Variants in FAM161B observed in about 807,000 individuals in gnomAD.
The protein encoded by FAM161B is FAM161 centrosomal protein B.
FAM161B carries 46 observed loss-of-function variants against 61.5 expected under a neutral mutation model. The observed-to-expected ratio is 0.75, with a 90% CI of 0.59 to 0.96. FAM161B has a LOEUF of 0.96. Ranked by LOEUF, FAM161B falls within the 40% of genes least tolerant of loss-of-function variation. FAM161B has a pLI of 0.00. For missense variants in FAM161B, 774 were observed against 800.7 expected (o/e 0.97, Z 0.40); for synonymous variants, 284 against 302.7 (o/e 0.94, Z 0.64).
downstream of FAM161B, chr14:73,932,263 CA>C (rs1884112300): frequency 3.0e-6 from 1 of 331,182 alleles, no homozygotes; most frequent in African/African-American, 2.2e-5. Flanking sequence ...TTTAAATAAA[CA>C]AAACAGCCCA....
intron 8 of FAM161B, among the ~76,000 whole-genome samples, chr14:73,934,600 C>G (rs923523658): frequency 2.0e-5 from 3 of 151,220 alleles, no homozygotes; most frequent in Admixed American, 1.3e-4. Flanking sequence ...CTGCACCCAG[C>G]TAATTTTTTT....
chr14:73,945,218 T>C (rs976701422), intron 2 of FAM161B, among the ~76,000 whole-genome samples: 2 of 152,236 alleles, frequency 1.3e-5, no homozygotes, highest in Non-Finnish European at 2.9e-5. Context: ...TGTTAAAACC[T>C]CAATTTCCTC....
At chr14:73,926,049 A>T in the FAM161B span, among the ~76,000 whole-genome samples, 1 of 152,006 alleles carries the variant, frequency 6.6e-6, no homozygotes, top group Non-Finnish European at 1.5e-5. Context: ...ACAAAAACAC[A>T]ATTAACTTTA....
the FAM161B span, among the ~76,000 whole-genome samples, chr14:73,926,306 CT>C: frequency 6.6e-6 from 1 of 151,986 alleles, no homozygotes; most frequent in Admixed American, 6.6e-5. Flanking sequence ...GGTTGGTTTG[CT>C]AGAGTCAGGA....
At chr14:73,929,943 A>G (rs1434924225), downstream of FAM161B, among the ~76,000 whole-genome samples, 2 of 152,168 alleles carry the variant, frequency 1.3e-5, no homozygotes, top group African/African-American at 2.4e-5. Flanking sequence ...TGGAGGACTC[A>G]TTGCACAGGC....
chr14:73,939,255 C>T (rs546376511), intron 5 of FAM161B, among the ~76,000 whole-genome samples: 6 of 151,970 alleles, frequency 3.9e-5, no homozygotes, highest in South Asian at 2.1e-4. Context: ...GCTGAGATTG[C>T]GCCATTGCAC....
In FAM161B at chr14:73,932,523, A is replaced by G. The variant is rs1421150796; in HGVS notation, c.*1733T>C. ...AACAGATACTTCTGAATTTTTCCAC[A>G]AAGATAGTTTTTTTAAAAAAGCTTG... is the stretch of plus-strand genomic sequence containing the variant. On this transcript the variant is annotated 3_prime_UTR_variant, in exon 9 of 9. Coordinates refer to ENST00000286544, the MANE Select transcript of FAM161B (RefSeq NM_152445.3). 2.3e-6 allele frequency: 1 copy of G among 442,882 alleles called. No homozygotes were observed. Among genetic ancestry groups the G allele is most frequent in the East Asian group, 7.0e-5 (1 of 14,356 alleles). 27.4% of individuals were successfully genotyped at this position (442,882 alleles called of 1,614,324 possible).
Position 73,938,049 on chromosome 14 carries a change from CTTTT to C in FAM161B, c.1460_1463del (p.Lys487ArgfsTer10). 6.2e-7 allele frequency: 1 copy of C among 1,614,124 alleles called. No homozygotes were observed. Among genetic ancestry groups the C allele is most frequent in the Non-Finnish European group, 8.5e-7 (1 of 1,180,002 alleles). Reference sequence around the variant, plus strand: ...CAGATTTGGACATTGCTTGAGACTTCTTTTTGTGTATCTCCAGCCACTGAATACT... The same window carrying C: ...CAGATTTGGACATTGCTTGAGACTTCTGTGTATCTCCAGCCACTGAATACT... On this transcript the variant is annotated frameshift_variant, in exon 6 of 9. Transcript: ENST00000286544. LOFTEE classifies it high-confidence loss of function.
chr14:73,941,058 A>C lies in FAM161B; in HGVS notation c.1273-5T>G. 2 of 1,609,344 alleles carry C rather than the reference A, an allele frequency of 1.2e-6. No individual in the cohort carries two copies. Among genetic ancestry groups the C allele is most frequent in the Non-Finnish European group, 1.7e-6 (2 of 1,177,692 alleles). On this transcript the variant is annotated splice_polypyrimidine_tract_variant and splice_region_variant and intron_variant, in intron 4 of 8. Transcript: ENST00000286544. Reference sequence around the variant, plus strand: ...AGCTGGTGGCTGTGGGGAATCCTAGAAGAAACAAAGGTTGGTATTGGTGGG... The same window carrying C: ...AGCTGGTGGCTGTGGGGAATCCTAGCAGAAACAAAGGTTGGTATTGGTGGG...
chr14:73,949,914 G>C lies in FAM161B; in HGVS notation c.54+59C>G, dbSNP rs1267493913. ...CCCTGCTGTCTGTCTCCAAGGCAAC[G>C]CCCAACAGTTTCCTCTCCGGGATTC... On this transcript the variant is annotated intron_variant, in intron 1 of 8. Coordinates refer to ENST00000286544, the MANE Select transcript of FAM161B (RefSeq NM_152445.3). The C allele has an allele frequency of 2.5e-6, 4 of 1,603,044 alleles. No individual in the cohort carries two copies. The East Asian group carries it at 8.9e-5, about 36-fold the overall frequency.
chr14:73,933,613 A>G lies in FAM161B; in HGVS notation c.*643T>C, dbSNP rs1288085899. 1 of 152,216 alleles carries G rather than the reference A, an allele frequency of 6.6e-6. No individual in the cohort carries two copies. Among genetic ancestry groups the G allele is most frequent in the Non-Finnish European group, 1.5e-5 (1 of 68,046 alleles). 9.4% of individuals were successfully genotyped at this position (152,216 alleles called of 1,614,324 possible). On this transcript the variant is annotated 3_prime_UTR_variant, in exon 9 of 9. Transcript: ENST00000286544. The stretch of plus-strand genomic sequence containing the variant: ...ATTCCAGCAGGATTTGATACTTTCC[A>G]GTGTCTACTATCTCCTACTGTCTAC...
intron 4 of FAM161B, 51 bp downstream of exon 4, chr14:73,942,318 C>T: frequency 1.3e-6 from 2 of 1,562,464 alleles, no homozygotes; most frequent in Non-Finnish European, 1.7e-6. Context: ...TGGCCCCACC[C>T]TGTATTTCAG....
rs747970631 is a variant in FAM161B, at chr14:73,944,467, C to G, written c.793G>C (p.Glu265Gln). The G allele has an allele frequency of 6.2e-7, 1 of 1,613,780 alleles. No homozygotes were observed. Among genetic ancestry groups the G allele is most frequent in the African/African-American group, 1.3e-5 (1 of 74,902 alleles). The change falls in exon 3 of 9, where the codon GAG becomes CAG. Residue 265 changes from glutamate to glutamine, a missense_variant. Coordinates refer to ENST00000286544, the MANE Select transcript of FAM161B (RefSeq NM_152445.3). ...SLKPFSFLEK[E>Q]EQLKEAARQR... is the part of the protein sequence containing the mutation. ...CGAGCAGCTTCCTTTAGCTGCTCCT[C>G]CTTCTCCAGGAAGCTGAAGGGCTTC...
At chr14:73,947,530 G>A (rs2140350922) in intron 1 of FAM161B, among the ~76,000 whole-genome samples, 1 of 152,200 alleles carries the variant, frequency 6.6e-6, no homozygotes. Flanking sequence ...GGTGCCTGAT[G>A]TGCACTGGGC....
chr14:73,943,977 A>T (rs2056041108), intron 3 of FAM161B, among the ~76,000 whole-genome samples: 1 of 152,124 alleles, frequency 6.6e-6, no homozygotes, highest in Admixed American at 6.6e-5. Flanking sequence ...GCCATGGGGG[A>T]GCATCTCAGG....
the FAM161B span, chr14:73,923,258 GATTA>G: frequency 1.0e-6 from 1 of 1,001,110 alleles, no homozygotes; most frequent in South Asian, 2.2e-5. Flanking sequence ...TATCAGACAG[GATTA>G]ACTTGGAAGA....
chr14:73,932,992 T>TTGTC lies in FAM161B; in HGVS notation c.*1260_*1263dup, dbSNP rs1248117724. 1 of 153,788 alleles carries TTGTC rather than the reference T, an allele frequency of 6.5e-6. No individual in the cohort carries two copies. Among genetic ancestry groups the TTGTC allele is most frequent in the Non-Finnish European group, 1.4e-5 (1 of 69,098 alleles). 9.5% of individuals were successfully genotyped at this position (153,788 alleles called of 1,614,324 possible). A position where few individuals can be genotyped will look rare whatever the true frequency, so the allele number is the denominator to read the frequency against. ...TTCACCTACTAGTAGAAAATCTTGGTTGTCTGGGAAATTTTAAGTTTACTT... is the reference window on the plus strand; with the variant it reads ...TTCACCTACTAGTAGAAAATCTTGGTTGTCTGTCTGGGAAATTTTAAGTTTACTT... On this transcript the variant is annotated 3_prime_UTR_variant, in exon 9 of 9. Transcript: ENST00000286544.
At chr14:73,948,080 C>T (rs1250776357) in intron 1 of FAM161B, among the ~76,000 whole-genome samples, 5 of 152,192 alleles carry the variant, frequency 3.3e-5, no homozygotes, top group African/African-American at 1.2e-4. Context: ...CACACCATCA[C>T]ACCTGGCTAG....
chr14:73,938,762 A>G (rs1183519436), intron 5 of FAM161B, among the ~76,000 whole-genome samples: 2 of 152,044 alleles, frequency 1.3e-5, no homozygotes, highest in African/African-American at 4.8e-5. Flanking sequence ...ACAGTGAGAG[A>G]CTCCGTCTCA....
Sources: gnomAD v4.1 joint callset for allele counts (sites outside exome capture counted in the v4.1 genomes callset) on GRCh38, gnomAD v4.1.1 for gene constraint, MANE v1.5 for transcripts, NCBI Gene and HGNC (gene_info 2026-07-23, HGNC 2026-07-21) for gene names.